The following CFAP92 variants were observed in gnomAD, a reference collection of about 807,000 sequenced individuals.
CFAP92 encodes the protein uncharacterized protein CFAP92.
Under a neutral mutation model 106.3 loss-of-function variants are expected in CFAP92, and 86 were observed. That is an observed-to-expected ratio of 0.81 (90% confidence interval 0.68 to 0.97). The LOEUF (loss-of-function observed/expected upper bound fraction) is 0.97, where lower values mean the gene tolerates loss of function less well. CFAP92 is among the 50% of genes least tolerant of loss of function. The pLI is 0.00. For missense variants in CFAP92, 1,204 were observed against 1,283.8 expected, an observed-to-expected ratio of 0.94 and a Z score of 0.95; for synonymous variants, 477 against 506.4, an observed-to-expected ratio of 0.94 and a Z score of 0.78.
intron 12 of CFAP92, among the ~76,000 whole-genome samples, chr3:128,921,773 G>T (rs1051154712): frequency 3.9e-5 from 6 of 152,164 alleles, no homozygotes; most frequent in Non-Finnish European, 2.9e-5. Context: ...AGAGGGGCCT[G>T]CCTCAGGCCC....
At chr3:128,942,074 C>T (rs1939686676) in intron 10 of CFAP92, among the ~76,000 whole-genome samples, 1 of 152,198 alleles carries the variant, frequency 6.6e-6, no homozygotes, top group African/African-American at 2.4e-5. Flanking sequence ...GTCCCCAAGA[C>T]CGCCCTTACT....
chr3:129,003,684 G>A (rs1944911895), upstream of CFAP92: 6 of 1,075,264 alleles, frequency 5.6e-6, no homozygotes, highest in African/African-American at 8.4e-5. Context: ...CAAGAAACGT[G>A]CTCAAGCGCT....
chr3:128,913,976 C>T (rs1936607403), intron 15 of CFAP92, among the ~76,000 whole-genome samples: 1 of 152,132 alleles, frequency 6.6e-6, no homozygotes, highest in African/African-American at 2.4e-5. Flanking sequence ...TGTAAGGCCT[C>T]AGTCTTACAT....
At position 128,945,548 on chromosome 3, in the gene CFAP92, G is replaced by A. The variant is rs751492429; in HGVS notation, c.1781C>T (p.Thr594Ile). ...VPIHSCEVQP[T>I]HCGQDSRRRK... ...TCTCCTGCTGTCCTGGCCGCAGTGT[G>A]TGGGCTGAACCTCACAGCTGTGGAT... is the stretch of plus-strand genomic sequence containing the variant. The change falls in exon 10 of 16, where the codon ACA becomes ATA. Residue 594 changes from threonine to isoleucine, a missense_variant. Transcript: ENST00000645291. The A allele has an allele frequency of 1.6e-4, 248 of 1,536,062 alleles. 1 individual carries two copies. The highest frequency in any genetic ancestry group is 2.0e-4 in the Non-Finnish European group (232 of 1,146,942).
the CFAP92 span, among the ~76,000 whole-genome samples, chr3:129,019,690 C>G: frequency 6.6e-6 from 1 of 151,544 alleles, no homozygotes; most frequent in African/African-American, 2.4e-5. Context: ...CCACAGGTAG[C>G]TACTGAGCAC....
chr3:128,922,297 C>T (rs1937356473), intron 12 of CFAP92, among the ~76,000 whole-genome samples: 1 of 151,458 alleles, frequency 6.6e-6, no homozygotes, highest in Non-Finnish European at 1.5e-5. Flanking sequence ...GAGTCAAGAT[C>T]GTGCCACTGC....
At position 128,993,489 on chromosome 3, in the gene CFAP92, A is replaced by C. The variant is rs961990038; in HGVS notation, c.-32-153T>G. 3 of 691,784 alleles carry C rather than the reference A, an allele frequency of 4.3e-6. No homozygotes were observed. In the African/African-American group the frequency reaches 5.4e-5, roughly 12 times the overall value. 42.9% of individuals were successfully genotyped at this position (691,784 alleles called of 1,614,324 possible). ...CCGGGGCTCCTTCACTGCCTGCCACACAGTCGGTACTCAATCGACTTAGAG... is the reference window on the plus strand; with the variant it reads ...CCGGGGCTCCTTCACTGCCTGCCACCCAGTCGGTACTCAATCGACTTAGAG... On this transcript the variant is annotated intron_variant, in intron 1 of 15. Transcript: ENST00000645291.
At chr3:128,974,860 G>A (rs1330709091) in intron 7 of CFAP92, among the ~76,000 whole-genome samples, 10 of 150,876 alleles carry the variant, frequency 6.6e-5, no homozygotes, top group African/African-American at 2.4e-4. Flanking sequence ...GGTGGCTCAC[G>A]CCTGTAATCC....
chr3:128,917,276 C>A (rs1936896851), intron 12 of CFAP92, among the ~76,000 whole-genome samples: 1 of 152,188 alleles, frequency 6.6e-6, no homozygotes, highest in African/African-American at 2.4e-5. Flanking sequence ...GGGAGTTGAT[C>A]TGAGTTTCTC....
At chr3:129,014,232 T>TA in the CFAP92 span, among the ~76,000 whole-genome samples, 1 of 152,252 alleles carries the variant, frequency 6.6e-6, no homozygotes, top group Non-Finnish European at 1.5e-5. This position sits in a 1 kb window ranked among gnomAD's most constrained non-coding sequence, Gnocchi z 4.3. Context: ...CTCAGTGCGT[T>TA]ACGCTGTTGA....
At chr3:128,915,977 G>A (rs1936784753) in intron 13 of CFAP92, 130 bp downstream of exon 13, 1 of 588,418 alleles carries the variant, frequency 1.7e-6, no homozygotes, top group Non-Finnish European at 2.5e-6. Context: ...TCTGAGCCTT[G>A]TCTACTTCCC....
chr3:128,914,042 G>A (rs549850880), intron 15 of CFAP92, among the ~76,000 whole-genome samples: 2 of 152,294 alleles, frequency 1.3e-5, no homozygotes, highest in East Asian at 1.9e-4. Context: ...AAGGCCTAGC[G>A]ACCAGTTCAA....
At chr3:129,003,861 G>C (rs1248795951), upstream of CFAP92, 2 of 1,442,360 alleles carry the variant, frequency 1.4e-6, no homozygotes, top group Non-Finnish European at 1.8e-6. Context: ...GCTGCGGTGC[G>C]GGAGCTGCGT....
chr3:128,922,675 G>A (rs1937392126), intron 12 of CFAP92, among the ~76,000 whole-genome samples: 1 of 152,168 alleles, frequency 6.6e-6, no homozygotes, highest in Non-Finnish European at 1.5e-5. Context: ...ACTGGCATAG[G>A]GCCTGCTTCA....
chr3:129,005,692 G>C (rs977527230), upstream of CFAP92, among the ~76,000 whole-genome samples: 12 of 152,210 alleles, frequency 7.9e-5, no homozygotes, highest in African/African-American at 2.7e-4. Flanking sequence ...GCAGCCAGAA[G>C]GGGTGGCCTT....
At chr3:128,941,783 G>A (rs980798533) in intron 10 of CFAP92, among the ~76,000 whole-genome samples, 2 of 152,068 alleles carry the variant, frequency 1.3e-5, no homozygotes, top group African/African-American at 4.8e-5. Flanking sequence ...GGCCCACCCT[G>A]CAAATTTAGA....
intron 7 of CFAP92, among the ~76,000 whole-genome samples, chr3:128,974,917 G>A (rs1214676032): frequency 2.0e-5 from 3 of 151,560 alleles, no homozygotes; most frequent in East Asian, 3.9e-4. Flanking sequence ...TCAGGAGATC[G>A]AGACGATCCT....
intron 12 of CFAP92, among the ~76,000 whole-genome samples, chr3:128,931,856 C>CT (rs1378778990): frequency 5.3e-4 from 79 of 149,910 alleles, no homozygotes; most frequent in African/African-American, 1.8e-3. Flanking sequence ...GACCCAATCT[C>CT]TAAAAAAAAA....
At chr3:128,920,939 T>G (rs896876009) in intron 12 of CFAP92, among the ~76,000 whole-genome samples, 4 of 152,226 alleles carry the variant, frequency 2.6e-5, no homozygotes, top group African/African-American at 9.6e-5. Context: ...ATGTTCCATA[T>G]GCTTCAAAGA....
Sources: gnomAD v4.1 joint callset for allele counts (sites outside exome capture counted in the v4.1 genomes callset) on GRCh38, gnomAD v4.1.1 for gene constraint, Gnocchi (gnomAD v3.1) non-coding constraint, MANE v1.5 for transcripts, NCBI Gene and HGNC (gene_info 2026-07-23, HGNC 2026-07-21) for gene names.